PCDH11X: variants seen among roughly 807,000 people sequenced by gnomAD.
PCDH11X encodes the protein protocadherin 11 X-linked.
A neutral mutation model predicts 53.3 loss-of-function variants in PCDH11X; 18 were observed. That is an observed-to-expected ratio of 0.34 (90% CI 0.23 to 0.50). The LOEUF is 0.50. Ranked by LOEUF, PCDH11X falls within the 20% of genes least tolerant of loss-of-function variation. PCDH11X has a pLI of 0.98. For synonymous variants in PCDH11X, 279 were observed against 393.3 expected (o/e 0.71, Z 3.44); for missense variants, 570 against 1,032.4 (o/e 0.55, Z 6.14).
intron 6 of PCDH11X, among the ~76,000 whole-genome samples, chrX:91,980,983 T>TATATATATATACACTGA (rs2062123215): frequency 2.0e-5 from 2 of 100,919 alleles, no homozygotes; most frequent in African/African-American, 7.3e-5. Context: ...ACACTGAATA[T>TATATATATATACACTGA]ATATATATAT....
intron 6 of PCDH11X, among the ~76,000 whole-genome samples, chrX:92,082,377 T>C (rs2063872678): frequency 9.1e-6 from 1 of 109,756 alleles, no homozygotes; most frequent in Non-Finnish European, 1.9e-5. Flanking sequence ...GAAGTACACA[T>C]TGACATCTGA....
chrX:91,850,628 A>G (rs2147658139), intron 5 of PCDH11X, among the ~76,000 whole-genome samples: 1 of 112,082 alleles, frequency 8.9e-6, no homozygotes, highest in African/African-American at 3.2e-5. Flanking sequence ...TATAGTTTGG[A>G]ACTCAATTTT....
chrX:92,023,127 C>G (rs1294411492), intron 6 of PCDH11X, among the ~76,000 whole-genome samples: 1 of 109,106 alleles, frequency 9.2e-6, no homozygotes, highest in Non-Finnish European at 1.9e-5. Flanking sequence ...CAAGAGTAAA[C>G]AAATCCAAAA....
intron 6 of PCDH11X, among the ~76,000 whole-genome samples, chrX:92,177,598 A>G (rs1167759297): frequency 9.0e-6 from 1 of 111,677 alleles, no homozygotes; most frequent in Non-Finnish European, 1.9e-5. Flanking sequence ...GCCGGCCTGT[A>G]TAAATTTTGG....
At chrX:91,821,498 G>T (rs1430849504) in intron 4 of PCDH11X, among the ~76,000 whole-genome samples, 3 of 110,901 alleles carry the variant, frequency 2.7e-5, no homozygotes, top group Non-Finnish European at 5.6e-5. Context: ...GTATAAGAAT[G>T]CTTGTGATTT....
chrX:92,602,239 A>C (rs1472026136), intron 10 of PCDH11X, among the ~76,000 whole-genome samples: 1 of 111,746 alleles, frequency 8.9e-6, no homozygotes, highest in Non-Finnish European at 1.9e-5. Flanking sequence ...GGAGTTGTCA[A>C]AAACAGTGGA....
intron 8 of PCDH11X, among the ~76,000 whole-genome samples, chrX:92,314,488 A>G (rs767978341): frequency 1.3e-3 from 141 of 112,105 alleles, no homozygotes; most frequent in Non-Finnish European, 9.9e-4. Context: ...ATTGTAATAT[A>G]GTAAATACAT....
chrX:91,798,043 T>A (rs1417878445), intron 1 of PCDH11X: 1 of 105,555 alleles, frequency 9.5e-6, no homozygotes, highest in Non-Finnish European at 1.9e-5. Flanking sequence ...AGCTTTATGC[T>A]TTTTTTCTTA....
At chrX:91,956,541 G>T (rs1354932543) in intron 6 of PCDH11X, among the ~76,000 whole-genome samples, 3 of 107,476 alleles carry the variant, frequency 2.8e-5, no homozygotes, top group Non-Finnish European at 5.8e-5. Flanking sequence ...CAAAATTCTG[G>T]GTTGGAAATC....
chrX:92,181,477 A>T (rs1270961126), intron 6 of PCDH11X, among the ~76,000 whole-genome samples: 3 of 111,992 alleles, frequency 2.7e-5, no homozygotes, highest in Admixed American at 9.5e-5. Flanking sequence ...TGCATAATTA[A>T]TGAGGAGCCA....
At chrX:92,010,482 G>A (rs1395624263) in intron 6 of PCDH11X, among the ~76,000 whole-genome samples, 1 of 110,325 alleles carries the variant, frequency 9.1e-6, no homozygotes, top group African/African-American at 3.3e-5. Flanking sequence ...TTTCTACCTA[G>A]AATTATTATA....
chrX:92,614,531 G>A (rs1326459739), intron 10 of PCDH11X, among the ~76,000 whole-genome samples: 1 of 109,843 alleles, frequency 9.1e-6, no homozygotes, highest in East Asian at 2.9e-4. Flanking sequence ...ATGTGGCTAG[G>A]TATATACATG....
chrX:91,933,580 C>G (rs1417513425), intron 6 of PCDH11X, among the ~76,000 whole-genome samples: 1 of 111,078 alleles, frequency 9.0e-6, no homozygotes, highest in East Asian at 2.9e-4. Context: ...GGAAAAGGAG[C>G]TCAGCTTTTA....
At chrX:91,867,268 T>A (rs1021205087) in intron 5 of PCDH11X, among the ~76,000 whole-genome samples, 4 of 111,771 alleles carry the variant, frequency 3.6e-5, no homozygotes, top group Admixed American at 9.5e-5. Flanking sequence ...TTCAACTTGA[T>A]CCCAAACATA....
chrX:92,484,165 A>G (rs1603342564), intron 10 of PCDH11X, among the ~76,000 whole-genome samples: 1 of 38,877 alleles, frequency 2.6e-5, no homozygotes, highest in East Asian at 2.4e-3. Context: ...ATATGTATAT[A>G]TGTATATATA....
chrX:92,250,952 T>TA (rs745314334), intron 7 of PCDH11X, among the ~76,000 whole-genome samples: 248 of 110,142 alleles, frequency 2.3e-3, no homozygotes, highest in African/African-American at 7.2e-3. Context: ...GTGAATATAG[T>TA]AAAAAAAACC....
intron 1 of PCDH11X, among the ~76,000 whole-genome samples, chrX:91,805,140 T>C (rs1385375182): frequency 9.4e-6 from 1 of 106,928 alleles, no homozygotes; most frequent in Non-Finnish European, 1.9e-5. Context: ...TCTATTCACG[T>C]GATCTATTTA....
At chrX:91,782,208 C>T (rs1464428465) in intron 1 of PCDH11X, among the ~76,000 whole-genome samples, 1 of 110,813 alleles carries the variant, frequency 9.0e-6, no homozygotes, top group East Asian at 2.9e-4. Context: ...TCCTCAGAGG[C>T]GCGCTAAGGC....
chrX:92,473,204 A>C (rs1239458799), intron 10 of PCDH11X, among the ~76,000 whole-genome samples: 7 of 107,663 alleles, frequency 6.5e-5, no homozygotes. Flanking sequence ...ATATGTGTCT[A>C]GGATTTGTCA....
Sources: gnomAD v4.1 joint callset for allele counts (sites outside exome capture counted in the v4.1 genomes callset) on GRCh38, gnomAD v4.1.1 for gene constraint, MANE v1.5 for transcripts, NCBI Gene and HGNC (gene_info 2026-07-23, HGNC 2026-07-21) for gene names.